CREB5: variants seen among roughly 807,000 people sequenced by gnomAD.
CREB5 encodes the protein cyclic AMP-responsive element-binding protein 5.
In CREB5, 19 loss-of-function variants were observed where a neutral mutation model predicts 57.1. The ratio of observed to expected loss-of-function variants is 0.33; its 90% CI spans 0.23 to 0.49. The LOEUF (loss-of-function observed/expected upper bound fraction) is 0.49. CREB5 is among the 20% of genes least tolerant of loss of function. The pLI is 0.99. For synonymous variants in CREB5, 238 were observed against 238.3 expected (o/e 1.00, Z 0.01); for missense variants, 579 against 671.6 (o/e 0.86, Z 1.52).
At chr7:28,785,053 T>A (rs1583738405) in intron 7 of CREB5, among the ~76,000 whole-genome samples, 1 of 152,362 alleles carries the variant, frequency 6.6e-6, no homozygotes, top group East Asian at 1.9e-4. Flanking sequence ...TTAATAGTCC[T>A]GTACAATTTA....
intron 1 of CREB5, among the ~76,000 whole-genome samples, chr7:28,461,979 C>A (rs1057398604): frequency 1.1e-4 from 16 of 152,150 alleles, no homozygotes; most frequent in African/African-American, 3.9e-4. Context: ...ACTATGTGAT[C>A]ACAGAATTGT....
intron 1 of CREB5, among the ~76,000 whole-genome samples, chr7:28,388,438 A>G (rs1005577184): frequency 1.3e-5 from 2 of 152,186 alleles, no homozygotes; most frequent in Admixed American, 1.3e-4. Context: ...CCTCTTGGTT[A>G]TCAAGATTGG....
chr7:28,598,555 G>T (rs1415264677), intron 5 of CREB5, among the ~76,000 whole-genome samples: 1 of 152,096 alleles, frequency 6.6e-6, no homozygotes, highest in Non-Finnish European at 1.5e-5. Flanking sequence ...TTTTCATGAT[G>T]CATTGGGTCA....
chr7:28,752,133 G>A (rs1230323324), intron 7 of CREB5, among the ~76,000 whole-genome samples: 2 of 152,130 alleles, frequency 1.3e-5, no homozygotes, highest in Non-Finnish European at 2.9e-5. Context: ...ATGTTCCAGT[G>A]TTCTCCCCTC....
intron 5 of CREB5, among the ~76,000 whole-genome samples, chr7:28,638,298 C>CACACGA (rs1554278733): frequency 8.0e-5 from 12 of 149,740 alleles, no homozygotes; most frequent in African/African-American, 2.9e-4. Flanking sequence ...CACACACGAA[C>CACACGA]ACACACACAC....
chr7:28,638,294 C>CACACACACAT (rs1554278720), intron 5 of CREB5, among the ~76,000 whole-genome samples: 14 of 127,936 alleles, frequency 1.1e-4, no homozygotes, highest in African/African-American at 3.4e-4. Context: ...CACACACACA[C>CACACACACAT]GAACACACAC....
At chr7:28,745,477 T>C (rs1057463392) in intron 7 of CREB5, among the ~76,000 whole-genome samples, 7 of 152,208 alleles carry the variant, frequency 4.6e-5, no homozygotes, top group Admixed American at 3.9e-4. Context: ...ATGCCTTGAT[T>C]TGTGAATCCA....
intron 5 of CREB5, among the ~76,000 whole-genome samples, chr7:28,608,451 G>T (rs1172795837): frequency 6.6e-6 from 1 of 152,076 alleles, no homozygotes; most frequent in Non-Finnish European, 1.5e-5. Context: ...ACAGTACGTA[G>T]TTGAAACTGT....
At chr7:28,613,965 T>A (rs1218400875) in intron 5 of CREB5, among the ~76,000 whole-genome samples, 3 of 152,146 alleles carry the variant, frequency 2.0e-5, no homozygotes, top group African/African-American at 7.2e-5. Flanking sequence ...ATTTATTAAT[T>A]TTTGGTTTTT....
rs1240316196 is a variant in CREB5, at chr7:28,803,771, A to T, written c.703-428A>T. ...ACTCCATCTCAAAAAAAAAAAAAAA[A>T]AAAAAAATTAAATACAGTAGCACAC... On this transcript the variant is annotated intron_variant, in intron 7 of 10. Coordinates refer to ENST00000357727, the MANE Select transcript of CREB5 (RefSeq NM_182898.4). Among the ~76,000 whole-genome samples, 737 of 151,798 alleles carry T rather than the reference A, an allele frequency of 4.9e-3. 5 individuals are homozygous for T. Among genetic ancestry groups the T allele is most frequent in the African/African-American group, 0.017 (704 of 41,394 alleles).
At chr7:28,571,803 C>G (rs1795715114) in intron 5 of CREB5, among the ~76,000 whole-genome samples, 1 of 152,126 alleles carries the variant, frequency 6.6e-6, no homozygotes, top group African/African-American at 2.4e-5. Context: ...CACATGGGTT[C>G]TTAGGAAGAA....
At position 28,700,959 on chromosome 7, in the gene CREB5, TAA is replaced by T. The variant is rs11324534; in HGVS notation, c.465-17778_465-17777del. ...TAATTAAGATAGGTTCCCAGGGATT[TAA>T]AAAAAAAAAAAAAAACAACCCACCA... On this transcript the variant is annotated intron_variant, in intron 5 of 10. Coordinates refer to ENST00000357727, the MANE Select transcript of CREB5 (RefSeq NM_182898.4). Among the ~76,000 whole-genome samples, 514 of 134,244 alleles carry T rather than the reference TAA, an allele frequency of 3.8e-3. 3 individuals are homozygous for T. Among genetic ancestry groups the T allele is most frequent in the Middle Eastern group, 0.015 (4 of 262 alleles). 88.1% of individuals were successfully genotyped at this position (134,244 alleles called of 152,430 possible).
intron 5 of CREB5, among the ~76,000 whole-genome samples, chr7:28,599,638 C>T (rs531992777): frequency 6.6e-6 from 1 of 152,354 alleles, no homozygotes; most frequent in Non-Finnish European, 1.5e-5. Flanking sequence ...TAGCTCTGCA[C>T]TGCTGCAAAT....
chr7:28,326,044 T>C (rs1785593303), intron 1 of CREB5, among the ~76,000 whole-genome samples: 1 of 152,142 alleles, frequency 6.6e-6, no homozygotes, highest in Non-Finnish European at 1.5e-5. Context: ...TTCCTTTTAG[T>C]GGAGGATGGC....
At chr7:28,513,207 G>A (rs941371203) in intron 4 of CREB5, among the ~76,000 whole-genome samples, 8 of 152,266 alleles carry the variant, frequency 5.3e-5, no homozygotes, top group Non-Finnish European at 8.8e-5. Flanking sequence ...TGTGGGGAAG[G>A]TATGAGTGGT....
intron 4 of CREB5, chr7:28,513,333 C>T (rs936973646): frequency 1.3e-5 from 2 of 152,226 alleles, no homozygotes; most frequent in Admixed American, 6.5e-5. Flanking sequence ...TCCCTCCCCC[C>T]AGAAGTATGG....
At chr7:28,791,810 T>G (rs922895017) in intron 7 of CREB5, among the ~76,000 whole-genome samples, 1 of 152,194 alleles carries the variant, frequency 6.6e-6, no homozygotes, top group Non-Finnish European at 1.5e-5. Context: ...TATTTGGCAT[T>G]TTTAGAATGG....
intron 1 of CREB5, among the ~76,000 whole-genome samples, chr7:28,303,751 C>T (rs887696510): frequency 6.6e-6 from 1 of 152,024 alleles, no homozygotes; most frequent in Non-Finnish European, 1.5e-5. Flanking sequence ...TACACATGTA[C>T]ATACATATTT....
chr7:28,587,631 A>C (rs1258323837), intron 5 of CREB5, among the ~76,000 whole-genome samples: 2 of 152,228 alleles, frequency 1.3e-5, no homozygotes, highest in East Asian at 3.8e-4. Context: ...AGAGGCTTAA[A>C]TACATAAAGA....
Sources: gnomAD v4.1 joint callset for allele counts (sites outside exome capture counted in the v4.1 genomes callset) on GRCh38, gnomAD v4.1.1 for gene constraint, MANE v1.5 for transcripts, NCBI Gene and HGNC (gene_info 2026-07-23, HGNC 2026-07-21) for gene names.